The following FIP1L1 variants were observed in gnomAD, a reference collection of about 807,000 sequenced individuals.
FIP1L1 encodes factor interacting with PAPOLA and CPSF1.
In FIP1L1, 21 loss-of-function variants were observed where a neutral mutation model predicts 84.6. The ratio of observed to expected loss-of-function variants is 0.25; its 90% CI spans 0.18 to 0.36. The LOEUF (loss-of-function observed/expected upper bound fraction) is 0.36, where lower values mean the gene tolerates loss of function less well. FIP1L1 is among the 10% of genes least tolerant of loss of function. The pLI is 1.00. For missense variants in FIP1L1, 526 were observed against 751.1 expected (o/e 0.70, Z 3.50); for synonymous variants, 263 against 242.3 (o/e 1.09, Z -0.80).
chr4:53,387,823 C>T (rs1360494228), intron 5 of FIP1L1, among the ~76,000 whole-genome samples: 3 of 152,098 alleles, frequency 2.0e-5, no homozygotes, highest in Non-Finnish European at 2.9e-5. Flanking sequence ...ATGTAGATAC[C>T]GCTAAGTCAC....
chr4:53,459,251 T>C (rs1443785452), intron 17 of FIP1L1, 51 bp from the exon 18 acceptor site: 1 of 1,342,710 alleles, frequency 7.4e-7, no homozygotes, highest in East Asian at 2.5e-5. Context: ...TTTTTGTCAC[T>C]GATTGTGTAT....
intron 10 of FIP1L1, among the ~76,000 whole-genome samples, chr4:53,402,724 T>C (rs180775115): frequency 6.6e-6 from 1 of 152,146 alleles, no homozygotes; most frequent in African/African-American, 2.4e-5. Context: ...AATTACAGCA[T>C]TTTGTATATT....
chr4:53,379,178 C>G (rs747537858), intron 2 of FIP1L1, 47 bp from the exon 3 acceptor site: 89 of 1,604,490 alleles, frequency 5.5e-5, no homozygotes, highest in Non-Finnish European at 7.4e-5. Flanking sequence ...AGAGTGGTTT[C>G]TTTATTTTGT....
chr4:53,435,872 G>A (rs1768930586), intron 13 of FIP1L1, among the ~76,000 whole-genome samples: 1 of 152,074 alleles, frequency 6.6e-6, no homozygotes, highest in Non-Finnish European at 1.5e-5. Context: ...TTAAAATCCT[G>A]ATACATAGAA....
intron 13 of FIP1L1, among the ~76,000 whole-genome samples, chr4:53,439,955 T>C (rs945291737): frequency 3.9e-5 from 6 of 152,046 alleles, no homozygotes; most frequent in African/African-American, 1.4e-4. Context: ...CTCAAATTAA[T>C]ATTTGCTAGC....
chr4:53,460,475 ATTC>A lies in FIP1L1; in HGVS notation c.*1029_*1031del, dbSNP rs1198688852. 2.1e-5 allele frequency: 4 copies of A among 194,804 alleles called. No homozygotes were observed. Among genetic ancestry groups the A allele is most frequent in the East Asian group, 8.3e-5 (1 of 12,080 alleles). 12.1% of individuals were successfully genotyped at this position (194,804 alleles called of 1,614,324 possible). A position where few individuals can be genotyped will look rare whatever the true frequency, so the allele number is the denominator to read the frequency against. On this transcript the variant is annotated 3_prime_UTR_variant, in exon 18 of 18. Transcript: ENST00000337488. The stretch of plus-strand genomic sequence containing the variant: ...CAACTATAACTTCTGAAAAATATTT[ATTC>A]TTGTTTGATGAAAGCAACGTTTCTC...
At chr4:53,430,341 CTTTTTTTTTTT>C (rs376793476) in intron 13 of FIP1L1, among the ~76,000 whole-genome samples, 74 of 75,814 alleles carry the variant, frequency 9.8e-4, no homozygotes, top group African/African-American at 1.3e-3. Flanking sequence ...GATAAAATTA[CTTTTTTTTTTT>C]TTTTTTTTTT....
rs1390041215 is a variant in FIP1L1 at position 53,377,943 on chromosome 4, T to C, written c.85+20T>C. ...ATGGCGGTACGAAACTTCCTGTCTC[T>C]GTCTCTCGGGTTCTCTCAGGCCTCC... On this transcript the variant is annotated intron_variant, in intron 1 of 17. Transcript: ENST00000337488. The C allele has an allele frequency of 1.2e-5, 18 of 1,561,228 alleles. No individual in the cohort carries two copies. Among genetic ancestry groups the C allele is most frequent in the Non-Finnish European group, 1.6e-5 (18 of 1,151,650 alleles).
chr4:53,417,444 C>T (rs1467421982), intron 11 of FIP1L1, among the ~76,000 whole-genome samples: 4 of 151,808 alleles, frequency 2.6e-5, no homozygotes, highest in African/African-American at 9.7e-5. Context: ...GAGTTGGAGA[C>T]CAGCCTGACC....
chr4:53,416,171 T>C (rs572989258), intron 11 of FIP1L1, among the ~76,000 whole-genome samples: 1 of 152,364 alleles, frequency 6.6e-6, no homozygotes, highest in African/African-American at 2.4e-5. Flanking sequence ...ACAACTTCTA[T>C]GTAACAACTA....
intron 11 of FIP1L1, among the ~76,000 whole-genome samples, chr4:53,424,470 G>A (rs1763583302): frequency 6.6e-6 from 1 of 152,076 alleles, no homozygotes; most frequent in South Asian, 2.1e-4. Context: ...TGATCTTTGG[G>A]ATCATGAGGA....
chr4:53,378,161 G>T (rs1735679028), intron 1 of FIP1L1: 1 of 404,886 alleles, frequency 2.5e-6, no homozygotes, highest in Non-Finnish European at 4.4e-6. Flanking sequence ...GGGCTGGGGG[G>T]CTGTGACCGG....
Position 53,414,790 on chromosome 4 carries a change from G to A in FIP1L1, c.923+68G>A, listed in dbSNP as rs557124544. ...TCATCAATGTTGTTATGCCTTATTA[G>A]TAAGATAATAAATTTTGACTGTACC... On this transcript the variant is annotated intron_variant, in intron 11 of 17. Transcript: ENST00000337488. The A allele has an allele frequency of 2.8e-5, 28 of 1,002,758 alleles. No homozygotes were observed. The African/African-American group carries it at 4.3e-4, about 16-fold the overall frequency. The allele number at this position is 1,002,758 out of a possible 1,614,324, so 62.1% of individuals were successfully genotyped here.
chr4:53,410,716 T>C (rs774646538), intron 10 of FIP1L1, among the ~76,000 whole-genome samples: 1 of 152,230 alleles, frequency 6.6e-6, no homozygotes, highest in African/African-American at 2.4e-5. Flanking sequence ...TGTTTAAGAA[T>C]GTATTCCAGT....
intron 11 of FIP1L1, among the ~76,000 whole-genome samples, chr4:53,423,587 A>G (rs1763215300): frequency 6.6e-6 from 1 of 152,222 alleles, no homozygotes; most frequent in African/African-American, 2.4e-5. Context: ...GCTGTGGTAC[A>G]TACTGTGTGT....
intron 10 of FIP1L1, 57 bp from the exon 11 acceptor site, chr4:53,414,558 A>C: frequency 8.4e-7 from 1 of 1,193,848 alleles, no homozygotes; most frequent in Non-Finnish European, 1.2e-6. Flanking sequence ...AAAACAGAAC[A>C]AGGGGGGTCA....
In FIP1L1 at chr4:53,460,357, C is replaced by CAAAT. The variant is rs141678192; in HGVS notation, c.*911_*914dup. On this transcript the variant is annotated 3_prime_UTR_variant, in exon 18 of 18. Transcript: ENST00000337488. The stretch of plus-strand genomic sequence containing the variant: ...AGGAGGTATTCATCGGTGATGGTAA[C>CAAAT]AAATAACATGGTATTTGAAAGAATA... 2 of 189,828 alleles carry CAAAT rather than the reference C, an allele frequency of 1.1e-5. No homozygotes were observed. Among genetic ancestry groups the CAAAT allele is most frequent in the Non-Finnish European group, 2.2e-5 (2 of 90,690 alleles). The allele number at this position is 189,828 out of a possible 1,614,324, so 11.8% of individuals were successfully genotyped here. A position where few individuals can be genotyped will look rare whatever the true frequency, so the allele number is the denominator to read the frequency against.
At chr4:53,416,317 T>TA in intron 11 of FIP1L1, among the ~76,000 whole-genome samples, 1 of 152,358 alleles carries the variant, frequency 6.6e-6, no homozygotes, top group Non-Finnish European at 1.5e-5. Flanking sequence ...AACTTAAACT[T>TA]ACAATTGTTT....
intron 13 of FIP1L1, among the ~76,000 whole-genome samples, chr4:53,439,981 T>C (rs1771176630): frequency 6.6e-6 from 1 of 152,016 alleles, no homozygotes; most frequent in South Asian, 2.1e-4. Flanking sequence ...TAGAAGTAAA[T>C]CATTCACGTT....
Sources: allele counts gnomAD v4.1 joint callset (sites outside exome capture counted in the v4.1 genomes callset), GRCh38; gene constraint gnomAD v4.1.1; transcripts MANE v1.5; gene names NCBI Gene and HGNC (gene_info 2026-07-23, HGNC 2026-07-21).